Variants in NUCKS1 observed in about 807,000 individuals in gnomAD.
NUCKS1 encodes nuclear ubiquitous casein and cyclin-dependent kinase substrate 1.
A neutral mutation model predicts 33.0 loss-of-function variants in NUCKS1; 2 were observed. The observed-to-expected ratio is 0.06, with a 90% CI of 0.02 to 0.19. The LOEUF is 0.19. NUCKS1 is among the 10% of genes least tolerant of loss of function. NUCKS1 has a pLI of 1.00. For synonymous variants in NUCKS1, 106 were observed against 102.8 expected, an observed-to-expected ratio of 1.03 and a Z score of -0.19; for missense variants, 201 against 293.6, an observed-to-expected ratio of 0.68 and a Z score of 2.31.
chr1:205,729,675 G>T, intron 1 of NUCKS1, 54 bp from the exon 2 acceptor site: 2 of 1,288,970 alleles, frequency 1.6e-6, no homozygotes, highest in South Asian at 1.2e-5. Context: ...ATTTTTCTAA[G>T]ACATCAGAAC....
chr1:205,749,489 A>C (rs1357974354), intron 1 of NUCKS1, among the ~76,000 whole-genome samples: 7 of 149,220 alleles, frequency 4.7e-5, no homozygotes, highest in Middle Eastern at 7.0e-3. Context: ...CAGGGCCCCC[A>C]CCCCCGCGCC....
intron 1 of NUCKS1, 140 bp downstream of exon 1, chr1:205,749,817 A>T (rs553999098): frequency 9.7e-5 from 84 of 868,438 alleles, no homozygotes; most frequent in Non-Finnish European, 1.4e-4. Context: ...CCCACGCTCA[A>T]GGGTGCGCGC....
rs78874940 is a variant in NUCKS1 at position 205,716,426 on chromosome 1, T to A, written c.*1854A>T. On this transcript the variant is annotated 3_prime_UTR_variant, in exon 7 of 7. Coordinates refer to ENST00000367142, the MANE Select transcript of NUCKS1 (RefSeq NM_022731.5). ...ACCTGAACAAACCCATTTAGGCAAA[T>A]AGATTAATCTTTAACACCCTCATTA... The A allele has an allele frequency of 6.6e-6, 1 of 152,160 alleles. No individual in the cohort carries two copies. The highest frequency in any genetic ancestry group is 1.5e-5 in the Non-Finnish European group (1 of 68,008). 9.4% of individuals were successfully genotyped at this position (152,160 alleles called of 1,614,324 possible).
At chr1:205,746,747 C>T (rs1654342185) in intron 1 of NUCKS1, among the ~76,000 whole-genome samples, 2 of 152,302 alleles carry the variant, frequency 1.3e-5, no homozygotes, top group South Asian at 4.1e-4. Flanking sequence ...TACTTATAAA[C>T]ATGACAAACA....
Position 205,749,969 on chromosome 1 carries a change from G to C in NUCKS1, c.5C>G (p.Ser2Trp). Residue 2 changes from serine to tryptophan, a missense_variant, in exon 1 of 7, where the codon TCG (serine) becomes TGG (tryptophan). Physicochemically the swap from Ser to Trp is radical, Grantham distance 177. Coordinates refer to ENST00000367142, the MANE Select transcript of NUCKS1 (RefSeq NM_022731.5). ...ACTCCGCACTGACCTGACAGGCCGC[G>C]ACATGTTCGCTGTCGAAACAGGACC... M[S>W]RPVRNRKVVD... The C allele has an allele frequency of 6.2e-7, 1 of 1,606,000 alleles. No individual in the cohort carries two copies. The highest frequency in any genetic ancestry group is 8.5e-7 in the Non-Finnish European group (1 of 1,176,286).
intron 1 of NUCKS1, among the ~76,000 whole-genome samples, chr1:205,732,810 T>TA (rs1223975382): frequency 3.5e-5 from 5 of 142,278 alleles, no homozygotes; most frequent in Non-Finnish European, 4.6e-5. Context: ...AGATGGTAAA[T>TA]TTTATGCTAA....
intron 2 of NUCKS1, among the ~76,000 whole-genome samples, chr1:205,728,410 A>G (rs901267668): frequency 6.6e-6 from 1 of 152,166 alleles, no homozygotes; most frequent in Non-Finnish European, 1.5e-5. Flanking sequence ...AACATTATAA[A>G]TTCCATTATG....
At position 205,750,015 on chromosome 1, in the gene NUCKS1, A is replaced by AGGGGGG; in HGVS notation, c.-43_-42insCCCCCC. 1 of 1,506,274 alleles carries AGGGGGG rather than the reference A, an allele frequency of 6.6e-7. No homozygotes were observed. 93.3% of individuals were successfully genotyped at this position (1,506,274 alleles called of 1,614,324 possible). On this transcript the variant is annotated 5_prime_UTR_variant, in exon 1 of 7. Transcript: ENST00000367142. ...GGACCGAGTCGAGAAGCCAAAGACC[A>AGGGGGG]GGACCCCCCCCACCCCGCGCGCTCG...
intron 1 of NUCKS1, among the ~76,000 whole-genome samples, chr1:205,740,595 T>C (rs549641945): frequency 4.0e-5 from 6 of 151,750 alleles, no homozygotes; most frequent in Admixed American, 6.6e-5. Flanking sequence ...GAGCGACAGA[T>C]TGAGACCCCA....
rs750061406 is a variant in NUCKS1 at position 205,720,550 on chromosome 1, C to A, written c.333G>T (p.Val111=). The A allele has an allele frequency of 3.7e-5, 60 of 1,614,020 alleles. No individual in the cohort carries two copies. In the East Asian group the frequency reaches 1.3e-3, roughly 34 times the overall value. The change falls in exon 5 of 7, where the codon GTG becomes GTT. Residue 111 remains valine (V), a synonymous_variant. Transcript: ENST00000367142. Reference sequence around the variant, plus strand: ...CCTCTTCTTGTTCTTCCTCACTGCCCACATCTTCCATGAGCATCTCTCTCT... The same window carrying A: ...CCTCTTCTTGTTCTTCCTCACTGCCAACATCTTCCATGAGCATCTCTCTCT... ...SKQREMLMED[V]GSEEEQEEED... is the part of the protein sequence containing the mutation.
chr1:205,719,756 G>A (rs1671888941), intron 5 of NUCKS1, 80 bp from the exon 6 acceptor site: 4 of 1,476,132 alleles, frequency 2.7e-6, no homozygotes, highest in African/African-American at 1.4e-5. Flanking sequence ...TGCTAAGAAT[G>A]ACTAGAGGAT....
At chr1:205,740,004 T>TTTTG (rs912209674) in intron 1 of NUCKS1, among the ~76,000 whole-genome samples, 2 of 138,006 alleles carry the variant, frequency 1.4e-5, no homozygotes, top group Admixed American at 7.2e-5. Flanking sequence ...TAGGTTTTTT[T>TTTTG]TTTTTTTTTT....
chr1:205,727,166 T>C (rs761903556), intron 3 of NUCKS1, among the ~76,000 whole-genome samples: 12 of 152,092 alleles, frequency 7.9e-5, no homozygotes, highest in Non-Finnish European at 1.3e-4. Context: ...GGTCTCCTTA[T>C]ATTGCCCAGG....
chr1:205,746,418 C>T (rs1361465967), intron 1 of NUCKS1, among the ~76,000 whole-genome samples: 1 of 149,564 alleles, frequency 6.7e-6, no homozygotes, highest in Admixed American at 6.7e-5. Flanking sequence ...AGTATAGATC[C>T]AAGGTTAATA....
intron 1 of NUCKS1, among the ~76,000 whole-genome samples, chr1:205,747,393 T>C (rs181288209): frequency 2.8e-4 from 42 of 152,290 alleles, no homozygotes; most frequent in African/African-American, 7.7e-4. Context: ...AGTCGGCCAC[T>C]GCAAAGGGTA....
In NUCKS1 at chr1:205,716,578, T is replaced by C. The variant is rs1221779505; in HGVS notation, c.*1702A>G. 2.0e-5 allele frequency: 3 copies of C among 152,146 alleles called. No individual in the cohort carries two copies. The highest frequency in any genetic ancestry group is 4.8e-5 in the African/African-American group (2 of 41,432). 9.4% of individuals were successfully genotyped at this position (152,146 alleles called of 1,614,324 possible). On this transcript the variant is annotated 3_prime_UTR_variant, in exon 7 of 7. Transcript: ENST00000367142. ...ATTCATTCTTTAACACACAGTGCAATAGTGAAATGACTCTGCCACTGTGTG... is the reference window on the plus strand; with the variant it reads ...ATTCATTCTTTAACACACAGTGCAACAGTGAAATGACTCTGCCACTGTGTG...
chr1:205,727,292 A>G (rs1653803644), intron 3 of NUCKS1, among the ~76,000 whole-genome samples: 1 of 152,200 alleles, frequency 6.6e-6, no homozygotes, highest in Non-Finnish European at 1.5e-5. Context: ...AGGCAAAATT[A>G]TAGTTAAAAT....
intron 1 of NUCKS1, among the ~76,000 whole-genome samples, chr1:205,739,593 C>T (rs1654115230): frequency 1.3e-5 from 2 of 152,098 alleles, no homozygotes; most frequent in Admixed American, 6.6e-5. Flanking sequence ...CCACCTCAGC[C>T]CCTACCCCAG....
rs1671849185 is a variant in NUCKS1, at chr1:205,717,785, ACAATT to A, written c.*490_*494del. 4 of 985,176 alleles carry A rather than the reference ACAATT, an allele frequency of 4.1e-6. No individual in the cohort carries two copies. The African/African-American group carries it at 7.0e-5, about 17-fold the overall frequency. 61.0% of individuals were successfully genotyped at this position (985,176 alleles called of 1,614,324 possible). A position where few individuals can be genotyped will look rare whatever the true frequency, so the allele number is the denominator to read the frequency against. ...TAGACAAATAAACTCATATTAGATG[ACAATT>A]GATTTTTTAAAAGTCCAGGTAGAGA... On this transcript the variant is annotated 3_prime_UTR_variant, in exon 7 of 7. Transcript: ENST00000367142.
Sources: gnomAD v4.1 joint callset for allele counts (sites outside exome capture counted in the v4.1 genomes callset) on GRCh38, gnomAD v4.1.1 for gene constraint, MANE v1.5 for transcripts, NCBI Gene and HGNC (gene_info 2026-07-23, HGNC 2026-07-21) for gene names.